B3GALT1: variants seen among roughly 807,000 people sequenced by gnomAD.
B3GALT1 encodes beta-1,3-galactosyltransferase 1.
B3GALT1 carries 10 observed loss-of-function variants against 23.2 expected under a neutral mutation model. That is an observed-to-expected ratio of 0.43 (90% CI 0.27 to 0.73). The LOEUF is 0.73. Among genes scored for constraint, B3GALT1 ranks in the 30% least tolerant of loss-of-function variants. B3GALT1 has a pLI of 0.21. For synonymous variants in B3GALT1, 156 were observed against 141.5 expected, an observed-to-expected ratio of 1.10 and a Z score of -0.73; for missense variants, 299 against 405.4, an observed-to-expected ratio of 0.74 and a Z score of 2.25.
chr2:167,850,890 G>A (rs920286766), intron 4 of B3GALT1, among the ~76,000 whole-genome samples: 7 of 152,036 alleles, frequency 4.6e-5, no homozygotes, highest in East Asian at 1.9e-4. Context: ...TGATGGGTGC[G>A]CCAAAATCTC....
chr2:167,663,356 A>G (rs1486227783), intron 3 of B3GALT1, among the ~76,000 whole-genome samples: 1 of 151,624 alleles, frequency 6.6e-6, no homozygotes, highest in Non-Finnish European at 1.5e-5. Flanking sequence ...AATCCGGTCT[A>G]TCATTGTTGG....
intron 3 of B3GALT1, among the ~76,000 whole-genome samples, chr2:167,687,255 G>C (rs1686632068): frequency 6.6e-6 from 1 of 152,124 alleles, no homozygotes; most frequent in Non-Finnish European, 1.5e-5. Flanking sequence ...CATTGAAAGA[G>C]AGAACTTGAG....
At position 167,557,760 on chromosome 2, in the gene B3GALT1, T is replaced by C. The variant is rs149083956; in HGVS notation, c.-410+67483T>C. Among the ~76,000 whole-genome samples, 113 of 152,018 alleles carry C rather than the reference T, an allele frequency of 7.4e-4. 1 individual carries two copies. The highest frequency in any genetic ancestry group is 6.2e-3 in the Admixed American group (95 of 15,272). ...CAAAACAAATGAACATTATGTACTT[T>C]TCTGTTCCACGTAAACAGACATCAT... On this transcript the variant is annotated intron_variant, in intron 2 of 4. Transcript: ENST00000392690.
At chr2:167,354,409 C>A (rs1410787549) in intron 1 of B3GALT1, among the ~76,000 whole-genome samples, 1 of 145,558 alleles carries the variant, frequency 6.9e-6, no homozygotes, top group Non-Finnish European at 1.5e-5. Context: ...TGCAGTGGTG[C>A]GATCTCGGCT....
At chr2:167,857,394 A>G (rs890428789) in intron 4 of B3GALT1, among the ~76,000 whole-genome samples, 2 of 152,138 alleles carry the variant, frequency 1.3e-5, no homozygotes, top group Non-Finnish European at 2.9e-5. Flanking sequence ...ATGTGAGTAG[A>G]CTGTGGCAAA....
chr2:167,352,447 G>C lies in B3GALT1; in HGVS notation c.-511+59113G>C, dbSNP rs1041843028. Among the ~76,000 whole-genome samples the C allele has an allele frequency of 2.6e-5, 4 of 151,404 alleles. No homozygotes were observed. The South Asian group carries it at 6.3e-4, about 24-fold the overall frequency. ...AAGATATCTCGAAACTGTAGCCGGG[G>C]GCAGTGGCTCACGCCTGTAATCCCA... On this transcript the variant is annotated intron_variant, in intron 1 of 4. Coordinates refer to ENST00000392690, the MANE Select transcript of B3GALT1 (RefSeq NM_020981.4).
chr2:167,444,607 G>A (rs1258901959), intron 1 of B3GALT1, among the ~76,000 whole-genome samples: 1 of 152,176 alleles, frequency 6.6e-6, no homozygotes, highest in Non-Finnish European at 1.5e-5. Context: ...GGGTGCATGT[G>A]TCCAGGAATT....
At chr2:167,821,155 A>ACTT (rs1689097387) in intron 4 of B3GALT1, among the ~76,000 whole-genome samples, 2 of 152,182 alleles carry the variant, frequency 1.3e-5, no homozygotes, top group South Asian at 4.1e-4. Context: ...AGTTCACAGC[A>ACTT]CTTTGCAATT....
At chr2:167,610,606 T>C (rs1685042516) in intron 2 of B3GALT1, among the ~76,000 whole-genome samples, 1 of 151,978 alleles carries the variant, frequency 6.6e-6, no homozygotes, top group Non-Finnish European at 1.5e-5. Context: ...TTTATTCTAA[T>C]GGCATTTCAA....
intron 2 of B3GALT1, among the ~76,000 whole-genome samples, chr2:167,610,678 T>G (rs565090691): frequency 6.0e-4 from 91 of 151,992 alleles, no homozygotes; most frequent in African/African-American, 2.1e-3. Flanking sequence ...CTCCTTAAGT[T>G]TAATCCTGGA....
At chr2:167,863,818 G>T (rs77609855) in intron 4 of B3GALT1, among the ~76,000 whole-genome samples, 1 of 152,222 alleles carries the variant, frequency 6.6e-6, no homozygotes, top group Non-Finnish European at 1.5e-5. Flanking sequence ...TTTTCAGCAA[G>T]TTTCTTTTCA....
intron 2 of B3GALT1, among the ~76,000 whole-genome samples, chr2:167,514,836 A>G (rs1700077452): frequency 6.6e-6 from 1 of 152,228 alleles, no homozygotes; most frequent in African/African-American, 2.4e-5. Flanking sequence ...GAAAAGGTGA[A>G]ATGTAAAAAT....
At chr2:167,566,172 T>TA (rs1325965208) in intron 2 of B3GALT1, among the ~76,000 whole-genome samples, 3 of 152,116 alleles carry the variant, frequency 2.0e-5, no homozygotes, top group African/African-American at 7.2e-5. Context: ...TATGCAGCCA[T>TA]AAAAAATGAT....
At chr2:167,502,837 G>A (rs916894302) in intron 2 of B3GALT1, among the ~76,000 whole-genome samples, 4 of 152,050 alleles carry the variant, frequency 2.6e-5, no homozygotes, top group Admixed American at 6.6e-5. Context: ...TCAGGAGTTC[G>A]AGACCAGCCT....
intron 1 of B3GALT1, among the ~76,000 whole-genome samples, chr2:167,412,853 G>A (rs568239223): frequency 1.6e-4 from 24 of 151,932 alleles, no homozygotes; most frequent in Non-Finnish European, 3.2e-4. Flanking sequence ...AATATGTTGT[G>A]GTATATTCTC....
intron 1 of B3GALT1, among the ~76,000 whole-genome samples, chr2:167,462,509 T>C (rs946363992): frequency 6.6e-6 from 1 of 152,172 alleles, no homozygotes; most frequent in Non-Finnish European, 1.5e-5. Context: ...TTTCCATCCA[T>C]TCCTCTTTTC....
intron 1 of B3GALT1, among the ~76,000 whole-genome samples, chr2:167,433,693 A>C (rs1469243414): frequency 6.6e-6 from 1 of 152,258 alleles, no homozygotes; most frequent in Non-Finnish European, 1.5e-5. Flanking sequence ...TTAACTGAAC[A>C]GAAAAAAATG....
intron 2 of B3GALT1, among the ~76,000 whole-genome samples, chr2:167,632,419 A>G (rs938164931): frequency 3.3e-5 from 5 of 151,950 alleles, no homozygotes; most frequent in East Asian, 1.9e-4. Flanking sequence ...CAACATTGCA[A>G]AAGTGTTCCT....
At chr2:167,554,012 A>T (rs188105172) in intron 2 of B3GALT1, among the ~76,000 whole-genome samples, 1 of 152,122 alleles carries the variant, frequency 6.6e-6, no homozygotes, top group South Asian at 2.1e-4. Context: ...CATGTTATGG[A>T]TTTGCCTCCT....
Sources: gnomAD v4.1 joint callset for allele counts (sites outside exome capture counted in the v4.1 genomes callset) on GRCh38, gnomAD v4.1.1 for gene constraint, MANE v1.5 for transcripts, NCBI Gene and HGNC (gene_info 2026-07-23, HGNC 2026-07-21) for gene names.